ITGA9: variants seen among roughly 807,000 people sequenced by gnomAD.
ITGA9 encodes integrin subunit alpha 9.
In ITGA9, 56 loss-of-function variants were observed where a neutral mutation model predicts 127.8. The observed-to-expected ratio is 0.44, with a 90% CI of 0.35 to 0.55. The LOEUF is 0.55. Ranked by LOEUF, ITGA9 falls within the 20% of genes least tolerant of loss-of-function variation. The pLI is 0.00. For missense variants in ITGA9, 1,196 were observed against 1,347.1 expected, an observed-to-expected ratio of 0.89 and a Z score of 1.76; for synonymous variants, 508 against 514.5, an observed-to-expected ratio of 0.99 and a Z score of 0.17.
At chr3:37,807,266 A>G (rs1331432680) in intron 27 of ITGA9, 1 of 152,260 alleles carries the variant, frequency 6.6e-6, no homozygotes, top group Non-Finnish European at 1.5e-5. Context: ...TGTAGAGGTT[A>G]TGCAAGGAAA....
Position 37,558,099 on chromosome 3 carries a change from G to A in ITGA9, c.1689+15514G>A, listed in dbSNP as rs755466791. Among the ~76,000 whole-genome samples, 9 of 152,312 alleles carry A rather than the reference G, an allele frequency of 5.9e-5. No homozygotes were observed. In the South Asian group the frequency reaches 6.2e-4, roughly 11 times the overall value. On this transcript the variant is annotated intron_variant, in intron 15 of 27. Coordinates refer to ENST00000264741, the MANE Select transcript of ITGA9 (RefSeq NM_002207.3). ...GCACTTTTCAGCCGCTCCTGTGCAC[G>A]TGTGTCCGTGCTCTGAGGTGGGAGG...
intron 14 of ITGA9, 58 bp downstream of exon 14, chr3:37,533,526 G>C: frequency 6.4e-7 from 1 of 1,557,782 alleles, no homozygotes; most frequent in Non-Finnish European, 8.8e-7. Context: ...GGGCTAGTGG[G>C]ATATTTCCGA....
intron 23 of ITGA9, among the ~76,000 whole-genome samples, chr3:37,769,656 T>G (rs1696820394): frequency 6.6e-6 from 1 of 152,216 alleles, no homozygotes; most frequent in Admixed American, 6.5e-5. Flanking sequence ...AGTTTGCCCC[T>G]CTATGCTTTT....
intron 17 of ITGA9, among the ~76,000 whole-genome samples, chr3:37,661,319 G>A (rs1375820748): frequency 6.6e-6 from 1 of 152,180 alleles, no homozygotes; most frequent in African/African-American, 2.4e-5. Flanking sequence ...GAAGCTCTCA[G>A]CCTCTTAGGT....
intron 18 of ITGA9, among the ~76,000 whole-genome samples, chr3:37,717,674 C>T (rs543670648): frequency 3.3e-5 from 5 of 152,150 alleles, no homozygotes; most frequent in Admixed American, 6.5e-5. Flanking sequence ...GGAAAATCCA[C>T]CTCCATGATC....
At chr3:37,517,180 G>A (rs1369203857) in intron 9 of ITGA9, among the ~76,000 whole-genome samples, 3 of 152,180 alleles carry the variant, frequency 2.0e-5, no homozygotes, top group African/African-American at 7.2e-5. Context: ...GAGAGCACAT[G>A]GGGGAAAGGT....
chr3:37,572,026 G>A (rs1206664281), intron 15 of ITGA9, among the ~76,000 whole-genome samples: 1 of 151,990 alleles, frequency 6.6e-6, no homozygotes, highest in Non-Finnish European at 1.5e-5. Context: ...TATTTTGGTA[G>A]CCCGTTGAGT....
intron 18 of ITGA9, among the ~76,000 whole-genome samples, chr3:37,688,408 TA>T (rs1221229772): frequency 1.3e-5 from 2 of 151,872 alleles, no homozygotes; most frequent in South Asian, 2.1e-4. Context: ...TAAGCAAATG[TA>T]AAAAAAAGTA....
rs769852675 is a variant in ITGA9, at chr3:37,683,772, G to A, written c.1917-93G>A. ...TCCTGGAACTTGTAGTTCTGATCTCGGTTTCTGCCCCCCACCTTCAACTAC... is the reference window on the plus strand; with the variant it reads ...TCCTGGAACTTGTAGTTCTGATCTCAGTTTCTGCCCCCCACCTTCAACTAC... On this transcript the variant is annotated intron_variant, in intron 17 of 27. Transcript: ENST00000264741. 4.7e-5 allele frequency: 61 copies of A among 1,310,640 alleles called. No individual in the cohort carries two copies. The Admixed American group carries it at 5.1e-4, about 11-fold the overall frequency. The allele number at this position is 1,310,640 out of a possible 1,614,324, so 81.2% of individuals were successfully genotyped here. A position where few individuals can be genotyped will look rare whatever the true frequency, so the allele number is the denominator to read the frequency against.
At chr3:37,704,096 G>T (rs1182040713) in intron 18 of ITGA9, among the ~76,000 whole-genome samples, 2 of 152,186 alleles carry the variant, frequency 1.3e-5, no homozygotes, top group African/African-American at 4.8e-5. Context: ...TGCTCACGTG[G>T]CTTTGTAGAC....
intron 19 of ITGA9, among the ~76,000 whole-genome samples, chr3:37,734,267 G>A (rs749644654): frequency 1.3e-5 from 2 of 152,262 alleles, no homozygotes; most frequent in Non-Finnish European, 2.9e-5. Context: ...CAGGTAGGGT[G>A]AGGGTGGAGA....
intron 26 of ITGA9, among the ~76,000 whole-genome samples, chr3:37,786,556 C>G (rs1444546952): frequency 6.6e-6 from 1 of 151,932 alleles, no homozygotes; most frequent in East Asian, 1.9e-4. Flanking sequence ...TCATGCCACT[C>G]TGCTCCAGCC....
chr3:37,581,519 G>A (rs1389651558), intron 15 of ITGA9, among the ~76,000 whole-genome samples: 6 of 152,174 alleles, frequency 3.9e-5, no homozygotes, highest in African/African-American at 9.7e-5. Flanking sequence ...AGGCCATGTT[G>A]GATGCTGAAT....
Position 37,487,193 on chromosome 3 carries a change from A to G in ITGA9, c.544+5586A>G, listed in dbSNP as rs562030647. ...ATTAAATAAAGACCTCTACATTTAC[A>G]TAGGATTTTATGGTTTCCAAGGAGC... On this transcript the variant is annotated intron_variant, in intron 4 of 27. Coordinates refer to ENST00000264741, the MANE Select transcript of ITGA9 (RefSeq NM_002207.3). 1.2e-4 allele frequency among the ~76,000 whole-genome samples: 18 copies of G among 152,208 alleles called. No homozygotes were observed. In the South Asian group the frequency reaches 2.9e-3, roughly 25 times the overall value.
At chr3:37,551,502 A>G (rs553986619) in intron 15 of ITGA9, among the ~76,000 whole-genome samples, 41 of 152,332 alleles carry the variant, frequency 2.7e-4, no homozygotes, top group African/African-American at 9.4e-4. Context: ...TGCCTTGATC[A>G]TGTGAGACCT....
At chr3:37,585,572 A>G (rs1436764215) in intron 15 of ITGA9, 6 of 508,438 alleles carry the variant, frequency 1.2e-5, no homozygotes, top group Admixed American at 1.2e-4. Flanking sequence ...CATTTTCTCT[A>G]GCAATTATGG....
At chr3:37,498,779 T>C (rs1435513461) in intron 5 of ITGA9, among the ~76,000 whole-genome samples, 1 of 152,186 alleles carries the variant, frequency 6.6e-6, no homozygotes, top group Non-Finnish European at 1.5e-5. Flanking sequence ...TGGCCTCCGC[T>C]TCAGTTCCCA....
At chr3:37,493,826 C>T (rs1055218548) in intron 4 of ITGA9, among the ~76,000 whole-genome samples, 1 of 152,184 alleles carries the variant, frequency 6.6e-6, no homozygotes, top group Middle Eastern at 3.2e-3. Context: ...GTTTCCTACC[C>T]CTCTTCCTTG....
At chr3:37,657,911 T>G (rs577726225) in intron 17 of ITGA9, among the ~76,000 whole-genome samples, 2 of 152,350 alleles carry the variant, frequency 1.3e-5, no homozygotes, top group Admixed American at 1.3e-4. Flanking sequence ...CTCATTGGTT[T>G]CAAAGAACTT....
Sources: gnomAD v4.1 joint callset for allele counts (sites outside exome capture counted in the v4.1 genomes callset) on GRCh38, gnomAD v4.1.1 for gene constraint, MANE v1.5 for transcripts, NCBI Gene and HGNC (gene_info 2026-07-23, HGNC 2026-07-21) for gene names.